Variants in CCDC73 observed in about 807,000 individuals in gnomAD.
CCDC73 encodes the protein coiled-coil domain-containing protein 73.
In CCDC73, 95 loss-of-function variants were observed where a neutral mutation model predicts 116.5. That is an observed-to-expected ratio of 0.82 (90% CI 0.69 to 0.97). The LOEUF (loss-of-function observed/expected upper bound fraction) is 0.97, where lower values mean the gene tolerates loss of function less well. Ranked by LOEUF, CCDC73 falls within the 50% of genes least tolerant of loss-of-function variation. The pLI is 0.00. For synonymous variants in CCDC73, 398 were observed against 401.3 expected (o/e 0.99, Z 0.10); for missense variants, 1,066 against 1,206.8 (o/e 0.88, Z 1.73).
At chr11:32,778,725 T>G (rs569845696) in intron 1 of CCDC73, among the ~76,000 whole-genome samples, 4 of 152,110 alleles carry the variant, frequency 2.6e-5, no homozygotes, top group African/African-American at 9.6e-5. Context: ...GGCAGGAGAA[T>G]TGCTTGAACC....
At chr11:32,782,055 A>G (rs12282737) in intron 1 of CCDC73, among the ~76,000 whole-genome samples, 1,816 of 152,236 alleles carry the variant, frequency 0.012, 36 homozygotes, top group African/African-American at 0.041. Context: ...CCCTGTTGTG[A>G]ACTGTGCATG....
the CCDC73 span, among the ~76,000 whole-genome samples, chr11:32,821,155 A>G: frequency 1.3e-5 from 2 of 152,294 alleles, no homozygotes; most frequent in Admixed American, 1.3e-4. Flanking sequence ...TTATCCACAC[A>G]TATTTTCTTC....
At chr11:32,827,703 G>A in the CCDC73 span, among the ~76,000 whole-genome samples, 142 of 152,216 alleles carry the variant, frequency 9.3e-4, 1 homozygote, top group South Asian at 3.7e-3. Context: ...CACTCCCCTG[G>A]GTACTGTCGA....
chr11:32,806,840 C>G, the CCDC73 span, among the ~76,000 whole-genome samples: 2 of 152,134 alleles, frequency 1.3e-5, no homozygotes, highest in Non-Finnish European at 1.5e-5. Context: ...CCCAGGCAGA[C>G]AGAATTTGAA....
At chr11:32,681,145 C>A (rs1280321089) in intron 7 of CCDC73, 1 of 151,818 alleles carries the variant, frequency 6.6e-6, no homozygotes, top group Non-Finnish European at 1.5e-5. Context: ...TCTTGTAAAT[C>A]TTTTATTTAG....
At chr11:32,746,065 G>A (rs532493824) in intron 2 of CCDC73, among the ~76,000 whole-genome samples, 20 of 152,252 alleles carry the variant, frequency 1.3e-4, no homozygotes, top group Admixed American at 6.5e-4. Context: ...GACTAGTACC[G>A]TTTGTTCCTT....
chr11:32,768,451 T>A (rs1304149534), intron 1 of CCDC73, among the ~76,000 whole-genome samples: 4 of 151,838 alleles, frequency 2.6e-5, no homozygotes, highest in Non-Finnish European at 5.9e-5. Flanking sequence ...TGCACATGCA[T>A]CCTAGAACCT....
At chr11:32,764,389 A>G in intron 1 of CCDC73, among the ~76,000 whole-genome samples, 1 of 152,206 alleles carries the variant, frequency 6.6e-6, no homozygotes, top group East Asian at 1.9e-4. Flanking sequence ...CACAAAGGGA[A>G]GCCCATCAGA....
In CCDC73 at chr11:32,611,268, G is replaced by C; in HGVS notation, c.2897-3C>G. 1 of 1,609,240 alleles carries C rather than the reference G, an allele frequency of 6.2e-7. No homozygotes were observed. The highest frequency in any genetic ancestry group is 1.1e-5 in the South Asian group (1 of 89,974). Reference sequence around the variant, plus strand: ...AACTCTGTTAATGCTGGTAGTATCTGATTGATAAAGAGGAAATGGCAACAA... The same window carrying C: ...AACTCTGTTAATGCTGGTAGTATCTCATTGATAAAGAGGAAATGGCAACAA... On this transcript the variant is annotated splice_polypyrimidine_tract_variant and splice_region_variant and intron_variant, in intron 16 of 17. Transcript: ENST00000335185.
At chr11:32,620,471 C>T (rs1334110333) in intron 14 of CCDC73, among the ~76,000 whole-genome samples, 3 of 151,742 alleles carry the variant, frequency 2.0e-5, no homozygotes, top group Admixed American at 6.6e-5. Context: ...ATTAGCCAGG[C>T]GTGGTGGCGG....
chr11:32,611,739 T>C (rs1030155044), intron 16 of CCDC73, among the ~76,000 whole-genome samples: 1 of 152,222 alleles, frequency 6.6e-6, no homozygotes, highest in African/African-American at 2.4e-5. Flanking sequence ...AGGGGTCACA[T>C]TGGGCTTTAA....
intron 1 of CCDC73, among the ~76,000 whole-genome samples, chr11:32,776,889 G>A (rs1387797645): frequency 2.1e-5 from 3 of 144,272 alleles, no homozygotes; most frequent in East Asian, 4.0e-4. Context: ...TTGCTTCTCT[G>A]AGGTTTACAG....
chr11:32,632,203 G>A (rs1431448858), intron 14 of CCDC73, among the ~76,000 whole-genome samples: 1 of 152,138 alleles, frequency 6.6e-6, no homozygotes, highest in South Asian at 2.1e-4. Flanking sequence ...GTGTTCTGCT[G>A]TTGGTTGGTG....
intron 5 of CCDC73, among the ~76,000 whole-genome samples, chr11:32,700,092 G>A (rs536237256): frequency 6.6e-6 from 1 of 151,664 alleles, no homozygotes; most frequent in South Asian, 2.1e-4. Context: ...CATCCTACCT[G>A]AGAACTTGCA....
chr11:32,670,288 A>C (rs1856024015), intron 9 of CCDC73, among the ~76,000 whole-genome samples: 1 of 152,104 alleles, frequency 6.6e-6, no homozygotes, highest in East Asian at 1.9e-4. Context: ...TTTGGGAGGC[A>C]GAGGCAGGCG....
Position 32,613,668 on chromosome 11 carries a change from A to C in CCDC73, c.2650T>G (p.Ser884Ala), listed in dbSNP as rs1167787801. 6.2e-7 allele frequency: 1 copy of C among 1,613,978 alleles called. No individual in the cohort carries two copies. The highest frequency in any genetic ancestry group is 1.1e-5 in the South Asian group (1 of 91,080). Residue 884 changes from serine (S) to alanine (A), a missense_variant, in exon 16 of 18, where the codon TCA becomes GCA. Transcript: ENST00000335185. ...TCTGAAGTTGAAAGATCAAAGGTTGACCTTCCGCTTCTGTTTACTAAATCT... is the reference window on the plus strand; with the variant it reads ...TCTGAAGTTGAAAGATCAAAGGTTGCCCTTCCGCTTCTGTTTACTAAATCT... ...SGDLVNRSGR[S>A]TFDLSTSDKK...
intron 12 of CCDC73, among the ~76,000 whole-genome samples, chr11:32,647,831 A>G (rs1278722863): frequency 6.6e-6 from 1 of 152,086 alleles, no homozygotes; most frequent in African/African-American, 2.4e-5. Flanking sequence ...AGCTCTCAAA[A>G]AAAAAAAAAA....
chr11:32,789,581 G>C (rs979652999), intron 1 of CCDC73, among the ~76,000 whole-genome samples: 1 of 151,800 alleles, frequency 6.6e-6, no homozygotes, highest in African/African-American at 2.4e-5. Flanking sequence ...GATTAGCCTA[G>C]ACAACATAGT....
At chr11:32,709,116 A>G (rs1018316230) in intron 3 of CCDC73, among the ~76,000 whole-genome samples, 5 of 152,096 alleles carry the variant, frequency 3.3e-5, no homozygotes, top group Non-Finnish European at 5.9e-5. Flanking sequence ...TCATAAAGGG[A>G]TGCTGGATTT....
Sources: gnomAD v4.1 joint callset for allele counts (sites outside exome capture counted in the v4.1 genomes callset) on GRCh38, gnomAD v4.1.1 for gene constraint, MANE v1.5 for transcripts, NCBI Gene and HGNC (gene_info 2026-07-23, HGNC 2026-07-21) for gene names.